Variants in PSRC1 observed in about 807,000 individuals in gnomAD.
PSRC1 encodes proline/serine-rich coiled-coil protein 1.
In PSRC1, 30 loss-of-function variants were observed where a neutral mutation model predicts 31.9. The ratio of observed to expected loss-of-function variants is 0.94; its 90% confidence interval spans 0.70 to 1.28. The LOEUF is 1.28. PSRC1 is among the 50% of genes most tolerant of loss of function. PSRC1 has a pLI of 0.00. For synonymous variants in PSRC1, 191 were observed against 192.1 expected, an observed-to-expected ratio of 0.99 and a Z score of 0.05; for missense variants, 481 against 472.8, an observed-to-expected ratio of 1.02 and a Z score of -0.16.
exon 6 of PSRC1, chr1:109,280,409 G>A (rs1656858326): frequency 6.2e-7 from 1 of 1,611,826 alleles, no homozygotes; most frequent in Non-Finnish European, 8.5e-7. Context: ...GTAGGTCCTG[G>A]GACTGCCACT....
chr1:109,281,306 G>A, intron 4 of PSRC1, 55 bp from the exon 5 acceptor site: 1 of 1,396,026 alleles, frequency 7.2e-7, no homozygotes. Flanking sequence ...TATCTGTTCT[G>A]TGGCTTAAGG....
At chr1:109,282,317 A>C in intron 3 of PSRC1, 1 of 619,768 alleles carries the variant, frequency 1.6e-6, no homozygotes, top group South Asian at 2.0e-5. Context: ...TCTTCTTAAC[A>C]CCCTGAAATC....
intron 3 of PSRC1, 57 bp from the exon 4 acceptor site, chr1:109,282,117 G>A (rs1657259605): frequency 2.7e-5 from 38 of 1,399,580 alleles, no homozygotes; most frequent in Non-Finnish European, 3.4e-5. Flanking sequence ...AGGAGATTAT[G>A]CAAGGGAGAC....
At chr1:109,282,692 C>A in exon 2 of PSRC1, 1 of 1,555,332 alleles carries the variant, frequency 6.4e-7, no homozygotes, top group Non-Finnish European at 8.7e-7. Flanking sequence ...TCCTCCAAAT[C>A]CTCCATGTCC....
In PSRC1 at chr1:109,282,512, T is replaced by C; in HGVS notation, c.77+6A>G. 6.2e-7 allele frequency: 1 copy of C among 1,612,978 alleles called. No homozygotes were observed. Among genetic ancestry groups the C allele is most frequent in the Non-Finnish European group, 8.5e-7 (1 of 1,178,958 alleles). ...AGGAAAATAAGTGGGATAAAGAGGCTGGTACCTGTCAGATGGTGACAGCCC... is the reference window on the plus strand; with the variant it reads ...AGGAAAATAAGTGGGATAAAGAGGCCGGTACCTGTCAGATGGTGACAGCCC... On this transcript the variant is annotated splice_donor_region_variant and intron_variant, in intron 3 of 6. Coordinates refer to ENST00000409138, the Ensembl canonical transcript of PSRC1.
At chr1:109,282,323 A>T in intron 3 of PSRC1, 195 bp downstream of exon 3, 3 of 623,982 alleles carry the variant, frequency 4.8e-6, no homozygotes, top group Non-Finnish European at 8.4e-6. Context: ...TAACACCCTG[A>T]AATCTAACTC....
At chr1:109,281,643 T>C (rs755095190) in exon 4 of PSRC1, 2 of 1,613,236 alleles carry the variant, frequency 1.2e-6, no homozygotes, top group African/African-American at 2.7e-5. Flanking sequence ...AGGGCCTCTT[T>C]CCAGATGTAG....
At chr1:109,280,355 G>T (rs374715459) in intron 6 of PSRC1, 41 bp downstream of exon 7, 8 of 1,523,474 alleles carry the variant, frequency 5.3e-6, no homozygotes, top group South Asian at 1.2e-5. Context: ...AGATGATGGC[G>T]GGGTAGGGAG....
chr1:109,280,284 C>T, intron 6 of PSRC1, 112 bp downstream of exon 7: 1 of 1,410,084 alleles, frequency 7.1e-7, no homozygotes, highest in Non-Finnish European at 1.0e-6. Flanking sequence ...CCAGGCTCCC[C>T]TCCTCTCTCC....
At chr1:109,280,286 C>T in intron 6 of PSRC1, 110 bp downstream of exon 7, 1 of 1,411,434 alleles carries the variant, frequency 7.1e-7, no homozygotes, top group Non-Finnish European at 1.0e-6. Flanking sequence ...AGGCTCCCCT[C>T]CTCTCTCCAT....
intron 3 of PSRC1, 162 bp downstream of exon 3, chr1:109,282,356 C>A: frequency 1.5e-6 from 1 of 655,536 alleles, no homozygotes. Flanking sequence ...TCTCTCCCCG[C>A]TACCAATAGT....
chr1:109,279,863 C>G, exon 7 of PSRC1: 1 of 485,852 alleles, frequency 2.1e-6, no homozygotes, highest in Non-Finnish European at 3.7e-6. Flanking sequence ...TGGATAAAGA[C>G]AAACCACTTG....
In PSRC1 at chr1:109,282,514, G is replaced by T. The variant is rs748721114; in HGVS notation, c.77+4C>A. 2.4e-5 allele frequency: 38 copies of T among 1,612,454 alleles called. No individual in the cohort carries two copies. Among genetic ancestry groups the T allele is most frequent in the Non-Finnish European group, 3.2e-5 (38 of 1,179,006 alleles). On this transcript the variant is annotated splice_donor_region_variant and intron_variant, in intron 3 of 6. Transcript: ENST00000409138. ...GAAAATAAGTGGGATAAAGAGGCTG[G>T]TACCTGTCAGATGGTGACAGCCCCC...
chr1:109,280,729 T>G (rs1656923321), intron 5 of PSRC1, 48 bp downstream of exon 6: 1 of 1,455,900 alleles, frequency 6.9e-7, no homozygotes, highest in Non-Finnish European at 9.3e-7. Flanking sequence ...TCTGGGAGGG[T>G]GAGGACACGC....
exon 5 of PSRC1, chr1:109,280,993 A>T: frequency 6.4e-7 from 1 of 1,550,628 alleles, no homozygotes; most frequent in South Asian, 1.1e-5. Context: ...AGGCGTTGAG[A>T]GTTGCTGGTA....
Position 109,280,379 on chromosome 1 carries a change from G to T in PSRC1, c.1088+17C>A, listed in dbSNP as rs760098171. 1 of 1,590,930 alleles carries T rather than the reference G, an allele frequency of 6.3e-7. No homozygotes were observed. On this transcript the variant is annotated intron_variant, in intron 6 of 6. Coordinates refer to ENST00000409138, the Ensembl canonical transcript of PSRC1. The stretch of plus-strand genomic sequence containing the variant: ...CGGGGTAGGGAGACAGGATGGGCAA[G>T]GGAGGACCAGACTGACCTGGTAGGT...
intron 4 of PSRC1, 79 bp downstream of exon 4, chr1:109,281,540 A>T (rs1425258467): frequency 8.1e-7 from 1 of 1,233,662 alleles, no homozygotes; most frequent in Admixed American, 2.2e-5. Context: ...TCCCTGTTTT[A>T]CCAATAAGGA....
chr1:109,282,604 T>C (rs202016415), intron 2 of PSRC1, 29 bp from the exon 3 acceptor site: 76 of 1,612,328 alleles, frequency 4.7e-5, no homozygotes, highest in Middle Eastern at 1.6e-4. Context: ...TGAAAGCCAG[T>C]CATGGGTCCC....
At chr1:109,280,721 TG>T in intron 5 of PSRC1, 55 bp downstream of exon 6, 1 of 1,417,842 alleles carries the variant, frequency 7.1e-7, no homozygotes, top group Non-Finnish European at 9.6e-7. Context: ...TTGACAGCTC[TG>T]GGAGGGTGAG....
Sources: allele counts gnomAD v4.1 joint callset, GRCh38; gene constraint gnomAD v4.1.1; transcripts MANE v1.5; gene names NCBI Gene and HGNC (gene_info 2026-07-23, HGNC 2026-07-21).